SLC39A3: variants seen among roughly 807,000 people sequenced by gnomAD.
The protein encoded by SLC39A3 is zinc transporter ZIP3.
Under a neutral mutation model 5.1 loss-of-function variants are expected in SLC39A3, and 3 were observed. That is an observed-to-expected ratio of 0.59 (90% CI 0.27 to 1.54). The LOEUF is 1.54. Among genes scored for constraint, SLC39A3 ranks in the 40% most tolerant of loss-of-function variants. The pLI is 0.12. For missense variants in SLC39A3, 412 were observed against 436.4 expected, an observed-to-expected ratio of 0.94 and a Z score of 0.50; for synonymous variants, 250 against 218.8, an observed-to-expected ratio of 1.14 and a Z score of -1.26.
rs116814841 is a variant in SLC39A3 at position 2,734,183 on chromosome 19, A to G, written c.211-698T>C. 1.3e-3 allele frequency among the ~76,000 whole-genome samples: 204 copies of G among 152,348 alleles called. 1 individual carries two copies. The highest frequency in any genetic ancestry group is 4.7e-3 in the African/African-American group (196 of 41,590). On this transcript the variant is annotated intron_variant, in intron 2 of 2. Coordinates refer to ENST00000269740, the MANE Select transcript of SLC39A3 (RefSeq NM_144564.5). The surrounding 1 kb of genome is among the most constrained non-coding windows in gnomAD (Gnocchi z 4.6). ...GGGGCGGACACGCAGGCATTAGGCT[A>G]TGCGCCAGGATGAAATGTCTCATGA...
chr19:2,734,951 CTG>C lies in SLC39A3; in HGVS notation c.211-1468_211-1467del, dbSNP rs1266384872. On this transcript the variant is annotated intron_variant, in intron 2 of 2. Coordinates refer to ENST00000269740, the MANE Select transcript of SLC39A3 (RefSeq NM_144564.5). This position sits in a 1 kb window ranked among gnomAD's most constrained non-coding sequence, Gnocchi z 4.6. Reference sequence around the variant, plus strand: ...ACCAGGCACCATTTTCCAGGGGTGACTGAGAGCCTGGCCCTGCAGTGGGTGAG... The same window carrying C: ...ACCAGGCACCATTTTCCAGGGGTGACAGAGCCTGGCCCTGCAGTGGGTGAG... The C allele has an allele frequency of 3.0e-5, 30 of 985,500 alleles. No homozygotes were observed. In the Admixed American group the frequency reaches 1.2e-3, roughly 38 times the overall value. The allele number at this position is 985,500 out of a possible 1,614,324, so 61.0% of individuals were successfully genotyped here. A position where few individuals can be genotyped will look rare whatever the true frequency, so the allele number is the denominator to read the frequency against.
chr19:2,737,321 C>G lies in SLC39A3; in HGVS notation c.-64G>C, dbSNP rs1599486312. On this transcript the variant is annotated 5_prime_UTR_variant, in exon 2 of 3. Coordinates refer to ENST00000269740, the MANE Select transcript of SLC39A3 (RefSeq NM_144564.5). ...ACCATCTGTGGGCGCACACCCAAGT[C>G]CCACGATGTGCTACCGAGCCCAACC... The G allele has an allele frequency of 6.6e-7, 1 of 1,521,940 alleles. No individual in the cohort carries two copies. The allele number at this position is 1,521,940 out of a possible 1,614,324, so 94.3% of individuals were successfully genotyped here. A position where few individuals can be genotyped will look rare whatever the true frequency, so the allele number is the denominator to read the frequency against.
chr19:2,732,543 A>G lies in SLC39A3; in HGVS notation c.*208T>C. The G allele has an allele frequency of 7.0e-7, 1 of 1,428,276 alleles. No homozygotes were observed. Among genetic ancestry groups the G allele is most frequent in the Non-Finnish European group, 9.1e-7 (1 of 1,095,858 alleles). The allele number at this position is 1,428,276 out of a possible 1,614,324, so 88.5% of individuals were successfully genotyped here. ...CACAGCTTTGGTAAAGACTTTTAAG[A>G]GAAAGAAGTATTTTAAAAAGTAGCA... On this transcript the variant is annotated 3_prime_UTR_variant, in exon 3 of 3. Transcript: ENST00000269740.
At chr19:2,738,539 C>T (rs1484529530) in intron 1 of SLC39A3, among the ~76,000 whole-genome samples, 1 of 152,184 alleles carries the variant, frequency 6.6e-6, no homozygotes, top group Non-Finnish European at 1.5e-5. Flanking sequence ...CCACCTGGAA[C>T]ACTGCTCTCT....
intron 1 of SLC39A3, among the ~76,000 whole-genome samples, chr19:2,738,253 T>C (rs1378001809): frequency 6.8e-6 from 1 of 147,994 alleles, no homozygotes; most frequent in Non-Finnish European, 1.5e-5. Context: ...CTCCTCAGTC[T>C]CCCTGGCCAT....
In SLC39A3 at chr19:2,733,734, G is replaced by A. The variant is rs1914271031; in HGVS notation, c.211-249C>T. 6.6e-6 allele frequency among the ~76,000 whole-genome samples: 1 copy of A among 152,160 alleles called. No homozygotes were observed. Among genetic ancestry groups the A allele is most frequent in the South Asian group, 2.1e-4 (1 of 4,826 alleles). ...AGGCTGGCGGATTGCTTGAGCCCAGGAGTTCGAGACCAGCCTGGCCAATAT... is the reference window on the plus strand; with the variant it reads ...AGGCTGGCGGATTGCTTGAGCCCAGAAGTTCGAGACCAGCCTGGCCAATAT... On this transcript the variant is annotated intron_variant, in intron 2 of 2. Transcript: ENST00000269740. The surrounding 1 kb of genome is among the most constrained non-coding windows in gnomAD (Gnocchi z 6.1).
chr19:2,735,962 G>A lies in SLC39A3; in HGVS notation c.210+1086C>T, dbSNP rs1914353820. ...GCTTCCATGCTTTCGTTGGGAGGAA[G>A]AACAGGGGGTCCTCATATCTCCACC... On this transcript the variant is annotated intron_variant, in intron 2 of 2. Coordinates refer to ENST00000269740, the MANE Select transcript of SLC39A3 (RefSeq NM_144564.5). This position sits in a 1 kb window ranked among gnomAD's most constrained non-coding sequence, Gnocchi z 5.7. 1 of 985,508 alleles carries A rather than the reference G, an allele frequency of 1.0e-6. No homozygotes were observed. Among genetic ancestry groups the A allele is most frequent in the Non-Finnish European group, 1.2e-6 (1 of 829,980 alleles). The allele number at this position is 985,508 out of a possible 1,614,324, so 61.0% of individuals were successfully genotyped here.
Position 2,734,623 on chromosome 19 carries a change from G to T in SLC39A3, c.211-1138C>A. 1.7e-5 allele frequency: 9 copies of T among 530,452 alleles called. No homozygotes were observed. Among genetic ancestry groups the T allele is most frequent in the Non-Finnish European group, 2.2e-5 (9 of 414,146 alleles). 32.9% of individuals were successfully genotyped at this position (530,452 alleles called of 1,614,324 possible). A position where few individuals can be genotyped will look rare whatever the true frequency, so the allele number is the denominator to read the frequency against. ...CTGGGACGGGGCCGTCCTGGGCACT[G>T]CAGGGTGCTGCTGAGCAGTGTCTCT... On this transcript the variant is annotated intron_variant, in intron 2 of 2. Transcript: ENST00000269740. This position sits in a 1 kb window ranked among gnomAD's most constrained non-coding sequence, Gnocchi z 4.6.
rs375373363 is a variant in SLC39A3 at position 2,733,450 on chromosome 19, G to A, written c.246C>T (p.Thr82=). 57 of 1,612,728 alleles carry A rather than the reference G, an allele frequency of 3.5e-5. No individual in the cohort carries two copies. Among genetic ancestry groups the A allele is most frequent in the East Asian group, 2.0e-4 (9 of 44,870 alleles). The change falls in exon 3 of 3, where the codon ACC becomes ACT. Residue 82 remains threonine (T), a synonymous_variant. Coordinates refer to ENST00000269740, the MANE Select transcript of SLC39A3 (RefSeq NM_144564.5). This position sits in a 1 kb window ranked among gnomAD's most constrained non-coding sequence, Gnocchi z 6.1. ...QKVLSLGHIS[T]DYPLAETILL... The stretch of plus-strand genomic sequence containing the variant: ...GGATGGTTTCGGCCAGCGGGTAGTC[G>A]GTGCTGATGTGGCCGAGGCTCAGGA...
rs935585048 is a variant in SLC39A3 at position 2,735,301 on chromosome 19, G to C, written c.210+1747C>G. ...CAGCCACGCGGAACAGCAGGAATGC[G>C]GTGTCTCGGCTCTGAACGGTGGAAA... is the stretch of plus-strand genomic sequence containing the variant. On this transcript the variant is annotated intron_variant, in intron 2 of 2. Transcript: ENST00000269740. This position sits in a 1 kb window ranked among gnomAD's most constrained non-coding sequence, Gnocchi z 5.7. The C allele has an allele frequency of 3.8e-6, 3 of 787,518 alleles. No individual in the cohort carries two copies. The highest frequency in any genetic ancestry group is 5.8e-5 in the South Asian group (1 of 17,346). 48.8% of individuals were successfully genotyped at this position (787,518 alleles called of 1,614,324 possible).
At position 2,737,320 on chromosome 19, in the gene SLC39A3, T is replaced by A; in HGVS notation, c.-63A>T. On this transcript the variant is annotated 5_prime_UTR_variant, in exon 2 of 3. Coordinates refer to ENST00000269740, the MANE Select transcript of SLC39A3 (RefSeq NM_144564.5). ...AACCATCTGTGGGCGCACACCCAAG[T>A]CCCACGATGTGCTACCGAGCCCAAC... 1 of 1,521,564 alleles carries A rather than the reference T, an allele frequency of 6.6e-7. No individual in the cohort carries two copies. Among genetic ancestry groups the A allele is most frequent in the Non-Finnish European group, 8.9e-7 (1 of 1,129,662 alleles). The allele number at this position is 1,521,564 out of a possible 1,614,324, so 94.3% of individuals were successfully genotyped here.
At chr19:2,736,943 C>T in intron 2 of SLC39A3, 105 bp downstream of exon 2, 1 of 1,565,594 alleles carries the variant, frequency 6.4e-7, no homozygotes, top group South Asian at 1.2e-5. Context: ...GTCACCCTTA[C>T]AGCATCAAGG....
rs907232587 is a variant in SLC39A3, at chr19:2,737,416, T to C, written c.-122-37A>G. 17 of 1,334,900 alleles carry C rather than the reference T, an allele frequency of 1.3e-5. No individual in the cohort carries two copies. In the African/African-American group the frequency reaches 2.1e-4, roughly 16 times the overall value. 82.7% of individuals were successfully genotyped at this position (1,334,900 alleles called of 1,614,324 possible). Reference sequence around the variant, plus strand: ...AGGGGCACTGCATTAGCTTTCTTTCTTTTTTCTTTTTTTTTTTTTAGACAG... The same window carrying C: ...AGGGGCACTGCATTAGCTTTCTTTCCTTTTTCTTTTTTTTTTTTTAGACAG... On this transcript the variant is annotated intron_variant, in intron 1 of 2. Coordinates refer to ENST00000269740, the MANE Select transcript of SLC39A3 (RefSeq NM_144564.5).
Position 2,736,899 on chromosome 19 carries a change from C to T in SLC39A3, c.210+149G>A, listed in dbSNP as rs189519935. The stretch of plus-strand genomic sequence containing the variant: ...GCACAGAGACAGAAAGTAACCAGTT[C>T]ACAATCACACAGCAAATTCACTTCC... On this transcript the variant is annotated intron_variant, in intron 2 of 2. Coordinates refer to ENST00000269740, the MANE Select transcript of SLC39A3 (RefSeq NM_144564.5). 213 of 1,526,516 alleles carry T rather than the reference C, an allele frequency of 1.4e-4. No homozygotes were observed. In the African/African-American group the frequency reaches 2.8e-3, roughly 20 times the overall value. 94.6% of individuals were successfully genotyped at this position (1,526,516 alleles called of 1,614,324 possible).
In SLC39A3 at chr19:2,732,594, T is replaced by C; in HGVS notation, c.*157A>G. 7.4e-7 allele frequency: 1 copy of C among 1,346,768 alleles called. No individual in the cohort carries two copies. Among genetic ancestry groups the C allele is most frequent in the Admixed American group, 3.3e-5 (1 of 30,430 alleles). 83.4% of individuals were successfully genotyped at this position (1,346,768 alleles called of 1,614,324 possible). On this transcript the variant is annotated 3_prime_UTR_variant, in exon 3 of 3. Coordinates refer to ENST00000269740, the MANE Select transcript of SLC39A3 (RefSeq NM_144564.5). ...GTGCTCTGAGGCTCAGGGTGTAGGA[T>C]CGGGGGCACAGCCTGGTCCCGGGAG...
chr19:2,732,728 G>T lies in SLC39A3; in HGVS notation c.*23C>A. On this transcript the variant is annotated 3_prime_UTR_variant, in exon 3 of 3. Coordinates refer to ENST00000269740, the MANE Select transcript of SLC39A3 (RefSeq NM_144564.5). ...CCCGGGGCTCCCGGCGGGCTCCGGC[G>T]GCAGGGACAATGGCGAGGCCGCTCA... 1 of 1,516,790 alleles carries T rather than the reference G, an allele frequency of 6.6e-7. No individual in the cohort carries two copies. The highest frequency in any genetic ancestry group is 8.8e-7 in the Non-Finnish European group (1 of 1,133,522). 94.0% of individuals were successfully genotyped at this position (1,516,790 alleles called of 1,614,324 possible).
At chr19:2,739,704 G>A (rs943463009) in intron 1 of SLC39A3, among the ~76,000 whole-genome samples, 1 of 152,188 alleles carries the variant, frequency 6.6e-6, no homozygotes, top group Non-Finnish European at 1.5e-5. Flanking sequence ...GGATACCTCA[G>A]TCTGTACAGT....
chr19:2,736,767 T>C (rs1443123875), intron 2 of SLC39A3: 1 of 1,438,580 alleles, frequency 7.0e-7, no homozygotes, highest in East Asian at 2.5e-5. Context: ...CAGGACAGAG[T>C]GTGCCCTACC....
chr19:2,732,742 C>A lies in SLC39A3; in HGVS notation c.*9G>T, dbSNP rs752287809. On this transcript the variant is annotated 3_prime_UTR_variant, in exon 3 of 3. Transcript: ENST00000269740. ...CGGGCTCCGGCGGCAGGGACAATGG[C>A]GAGGCCGCTCACCACTTGAGGAAGA... The A allele has an allele frequency of 2.6e-6, 4 of 1,536,818 alleles. No individual in the cohort carries two copies. The East Asian group carries it at 6.9e-5, about 27-fold the overall frequency.
Sources: gnomAD v4.1 joint callset for allele counts (sites outside exome capture counted in the v4.1 genomes callset) on GRCh38, gnomAD v4.1.1 for gene constraint, Gnocchi (gnomAD v3.1) non-coding constraint, MANE v1.5 for transcripts, NCBI Gene and HGNC (gene_info 2026-07-23, HGNC 2026-07-21) for gene names.